SDK1: variants seen among roughly 807,000 people sequenced by gnomAD.
SDK1 encodes the protein protein sidekick-1.
Under a neutral mutation model 245.5 loss-of-function variants are expected in SDK1, and 157 were observed. The ratio of observed to expected loss-of-function variants is 0.64; its 90% confidence interval spans 0.56 to 0.73. The LOEUF (loss-of-function observed/expected upper bound fraction) is 0.73. SDK1 is among the 30% of genes least tolerant of loss of function. The pLI is 0.00. For synonymous variants in SDK1, 1,647 were observed against 1,278.5 expected, an observed-to-expected ratio of 1.29 and a Z score of -6.15; for missense variants, 3,583 against 3,002.3, an observed-to-expected ratio of 1.19 and a Z score of -4.52.
At chr7:4,013,681 G>A (rs984428643) in intron 16 of SDK1, among the ~76,000 whole-genome samples, 5 of 152,164 alleles carry the variant, frequency 3.3e-5, no homozygotes, top group Non-Finnish European at 7.3e-5. Flanking sequence ...CCAATTTGCC[G>A]CTGTTTACAA....
At chr7:3,905,596 T>C (rs1247512879) in intron 5 of SDK1, among the ~76,000 whole-genome samples, 1 of 152,182 alleles carries the variant, frequency 6.6e-6, no homozygotes, top group African/African-American at 2.4e-5. Context: ...TTATGTTTCT[T>C]GTTTCTTTAG....
chr7:4,170,835 G>T (rs1781796249), intron 32 of SDK1, among the ~76,000 whole-genome samples: 2 of 152,172 alleles, frequency 1.3e-5, no homozygotes, highest in South Asian at 4.1e-4. Context: ...GCATGGGGGA[G>T]CTGGAGAAAG....
At chr7:3,943,581 C>T (rs932544545) in intron 5 of SDK1, among the ~76,000 whole-genome samples, 2 of 150,882 alleles carry the variant, frequency 1.3e-5, no homozygotes, top group African/African-American at 4.9e-5. Context: ...GCTCCCTGAC[C>T]AGCTCTTGCT....
intron 1 of SDK1, among the ~76,000 whole-genome samples, chr7:3,575,702 T>C (rs10277776): frequency 0.17 from 25,717 of 151,952 alleles, 2,664 homozygotes; most frequent in East Asian, 0.35. Context: ...GATCAACTTA[T>C]AAAGAGCATT....
chr7:4,113,218 C>A, intron 23 of SDK1, 71 bp from the exon 24 acceptor site: 1 of 1,520,356 alleles, frequency 6.6e-7, no homozygotes, highest in South Asian at 1.2e-5. Flanking sequence ...ACAGTCAGCG[C>A]CTTTGTGGTT....
At chr7:3,851,690 C>T (rs538630431) in intron 5 of SDK1, among the ~76,000 whole-genome samples, 6 of 152,266 alleles carry the variant, frequency 3.9e-5, no homozygotes, top group East Asian at 1.9e-4. Flanking sequence ...GAACACCTTT[C>T]AGTAATTTTA....
intron 13 of SDK1, among the ~76,000 whole-genome samples, chr7:3,984,243 G>T (rs1783647467): frequency 6.6e-6 from 1 of 152,110 alleles, no homozygotes; most frequent in Admixed American, 6.5e-5. Flanking sequence ...GACTGTGAGA[G>T]CTGACCCCTG....
At chr7:4,128,976 G>T (rs1244490447) in intron 26 of SDK1, among the ~76,000 whole-genome samples, 4 of 110,864 alleles carry the variant, frequency 3.6e-5, no homozygotes, top group East Asian at 5.6e-4. Context: ...TCCCCTGGAG[G>T]AGAGCAGCTT....
intron 4 of SDK1, among the ~76,000 whole-genome samples, chr7:3,735,827 C>T (rs1452009989): frequency 2.0e-5 from 3 of 152,138 alleles, no homozygotes; most frequent in African/African-American, 7.2e-5. Flanking sequence ...TCCATGTCAA[C>T]GTTTGTTATT....
intron 5 of SDK1, among the ~76,000 whole-genome samples, chr7:3,938,392 C>T (rs1477563710): frequency 2.6e-5 from 4 of 152,044 alleles, no homozygotes; most frequent in Non-Finnish European, 5.9e-5. Flanking sequence ...CCTGTAATCC[C>T]AGCACTTTGG....
chr7:3,402,464 T>C (rs1366789294), intron 1 of SDK1, among the ~76,000 whole-genome samples: 1 of 152,234 alleles, frequency 6.6e-6, no homozygotes, highest in Non-Finnish European at 1.5e-5. Context: ...TCTATTATGA[T>C]TTTATGACTT....
intron 2 of SDK1, among the ~76,000 whole-genome samples, chr7:3,623,318 G>A (rs1782003012): frequency 6.7e-6 from 1 of 149,720 alleles, no homozygotes; most frequent in African/African-American, 2.5e-5. Context: ...AGCGATCTCG[G>A]CTCACTGCAA....
In SDK1 at chr7:3,511,783, G is replaced by GT. The variant is rs1323351815; in HGVS notation, c.299-107289dup. Among the ~76,000 whole-genome samples, 26 of 136,902 alleles carry GT rather than the reference G, an allele frequency of 1.9e-4. No individual in the cohort carries two copies. In the South Asian group the frequency reaches 2.7e-3, roughly 14 times the overall value. 89.8% of individuals were successfully genotyped at this position (136,902 alleles called of 152,430 possible). On this transcript the variant is annotated intron_variant, in intron 1 of 44. Coordinates refer to ENST00000404826, the MANE Select transcript of SDK1 (RefSeq NM_152744.4). ...ATTTTACCATTCTTAGGCAGCCACT[G>GT]TTTTTTTTGTTTTTTGTTTTTTTTT...
chr7:3,517,827 A>G (rs1302313814), intron 1 of SDK1, among the ~76,000 whole-genome samples: 1 of 152,140 alleles, frequency 6.6e-6, no homozygotes, highest in Non-Finnish European at 1.5e-5. Context: ...GACCATTTTA[A>G]TACCTCACAC....
intron 1 of SDK1, among the ~76,000 whole-genome samples, chr7:3,559,254 G>C (rs570517471): frequency 6.6e-6 from 1 of 152,260 alleles, no homozygotes; most frequent in Non-Finnish European, 1.5e-5. Flanking sequence ...CTATGATGAA[G>C]TCTGACTTGA....
chr7:3,504,389 A>C (rs1403691309), intron 1 of SDK1, among the ~76,000 whole-genome samples: 1 of 151,856 alleles, frequency 6.6e-6, no homozygotes, highest in Non-Finnish European at 1.5e-5. Flanking sequence ...AAGTTGGAGG[A>C]CTCATATTTT....
At chr7:3,697,366 C>T (rs1404059390) in intron 4 of SDK1, among the ~76,000 whole-genome samples, 1 of 152,210 alleles carries the variant, frequency 6.6e-6, no homozygotes. Flanking sequence ...GCTTCTGCCT[C>T]TGCTTCTTCT....
intron 1 of SDK1, among the ~76,000 whole-genome samples, chr7:3,368,272 G>A (rs1031740653): frequency 2.6e-5 from 4 of 152,140 alleles, no homozygotes; most frequent in African/African-American, 4.8e-5. Flanking sequence ...AAGCTTCTCC[G>A]TTCCCCAGAC....
intron 20 of SDK1, 39 bp downstream of exon 20, chr7:4,067,975 T>C: frequency 6.8e-7 from 1 of 1,463,694 alleles, no homozygotes. Flanking sequence ...AAAGATAAGT[T>C]TGTCCTCACA....
Sources: allele counts gnomAD v4.1 joint callset (sites outside exome capture counted in the v4.1 genomes callset), GRCh38; gene constraint gnomAD v4.1.1; transcripts MANE v1.5; gene names NCBI Gene and HGNC (gene_info 2026-07-23, HGNC 2026-07-21).